Variants in CSNK1G3 observed in about 807,000 individuals in gnomAD.
CSNK1G3 encodes the protein casein kinase 1 gamma 3.
Under a neutral mutation model 64.3 loss-of-function variants are expected in CSNK1G3, and 23 were observed. The ratio of observed to expected loss-of-function variants is 0.36; its 90% CI spans 0.26 to 0.51. The LOEUF is 0.51. Ranked by LOEUF, CSNK1G3 falls within the 20% of genes least tolerant of loss-of-function variation. CSNK1G3 has a pLI of 0.96. For synonymous variants in CSNK1G3, 158 were observed against 162.2 expected, an observed-to-expected ratio of 0.97 and a Z score of 0.20; for missense variants, 357 against 510.5, an observed-to-expected ratio of 0.70 and a Z score of 2.90.
At chr5:123,606,955 G>A (rs948072891) in intron 12 of CSNK1G3, among the ~76,000 whole-genome samples, 1 of 152,156 alleles carries the variant, frequency 6.6e-6, no homozygotes, top group Non-Finnish European at 1.5e-5. Context: ...AATGGTTAGA[G>A]CTTGTAAAGA....
chr5:123,550,161 G>A (rs969250224), intron 2 of CSNK1G3, among the ~76,000 whole-genome samples: 6 of 152,118 alleles, frequency 3.9e-5, no homozygotes, highest in African/African-American at 1.2e-4. Context: ...ACTGTAAGAC[G>A]GTAACGAAAA....
At chr5:123,561,663 T>C (rs1263818097) in intron 4 of CSNK1G3, among the ~76,000 whole-genome samples, 1 of 152,178 alleles carries the variant, frequency 6.6e-6, no homozygotes, top group Non-Finnish European at 1.5e-5. Context: ...GTTCTTTATC[T>C]CCTGCTTCTA....
intron 1 of CSNK1G3, among the ~76,000 whole-genome samples, chr5:123,515,909 C>T (rs770554299): frequency 6.6e-5 from 10 of 152,138 alleles, no homozygotes; most frequent in Non-Finnish European, 1.5e-4. Flanking sequence ...GGTGTAACCT[C>T]ATTTTTGAGA....
At chr5:123,595,304 G>GT (rs1581362356) in intron 10 of CSNK1G3, among the ~76,000 whole-genome samples, 170 bp downstream of exon 11, 2 of 151,958 alleles carry the variant, frequency 1.3e-5, no homozygotes, top group East Asian at 3.9e-4. Context: ...AATTAACGTG[G>GT]TCTAGAAAGA....
chr5:123,513,660 T>G (rs1026120558), intron 1 of CSNK1G3, among the ~76,000 whole-genome samples: 2 of 152,308 alleles, frequency 1.3e-5, no homozygotes, highest in African/African-American at 2.4e-5. Context: ...GCCACAGATA[T>G]GAGAGATGGC....
intron 10 of CSNK1G3, among the ~76,000 whole-genome samples, chr5:123,596,693 G>A (rs1793506138): frequency 6.6e-6 from 1 of 152,092 alleles, no homozygotes; most frequent in East Asian, 1.9e-4. Flanking sequence ...TTATTTCTAA[G>A]AGTTTTCAGC....
At chr5:123,569,996 T>A (rs7711315) in intron 4 of CSNK1G3, among the ~76,000 whole-genome samples, 33,940 of 151,970 alleles carry the variant, frequency 0.22, 3,994 homozygotes, top group African/African-American at 0.28. Context: ...TCTATTATTA[T>A]GGTGAATTAT....
intron 4 of CSNK1G3, among the ~76,000 whole-genome samples, chr5:123,568,994 A>G (rs1195876328): frequency 6.6e-6 from 1 of 152,248 alleles, no homozygotes; most frequent in Non-Finnish European, 1.5e-5. Flanking sequence ...TTCCAGTATC[A>G]AACAGCAATT....
At chr5:123,575,797 A>G in exon 6 of CSNK1G3, 2 of 1,613,704 alleles carry the variant, frequency 1.2e-6, no homozygotes, top group Non-Finnish European at 1.7e-6. Context: ...AGAACTTCTT[A>G]ATAGGACGAC....
At chr5:123,514,205 C>T (rs376071527) in intron 1 of CSNK1G3, among the ~76,000 whole-genome samples, 14 of 152,266 alleles carry the variant, frequency 9.2e-5, no homozygotes, top group African/African-American at 3.1e-4. Context: ...TTATGAATGA[C>T]ATTTTTTTGG....
At chr5:123,537,191 G>GC (rs1780980385) in intron 1 of CSNK1G3, among the ~76,000 whole-genome samples, 1 of 152,068 alleles carries the variant, frequency 6.6e-6, no homozygotes, top group Non-Finnish European at 1.5e-5. Context: ...CAACCTAAGT[G>GC]CCCATCAAAG....
intron 1 of CSNK1G3, among the ~76,000 whole-genome samples, chr5:123,532,381 A>G (rs1342268217): frequency 6.6e-6 from 1 of 151,878 alleles, no homozygotes; most frequent in East Asian, 1.9e-4. Flanking sequence ...ATTTTTTATA[A>G]CAAGGTTGGC....
At chr5:123,577,015 A>C (rs999649343) in intron 6 of CSNK1G3, among the ~76,000 whole-genome samples, 1 of 152,070 alleles carries the variant, frequency 6.6e-6, no homozygotes, top group Non-Finnish European at 1.5e-5. Context: ...TATCTTATTT[A>C]ATGTAATGTA....
At position 123,521,273 on chromosome 5, in the gene CSNK1G3, G is replaced by A. The variant is rs573756614; in HGVS notation, c.-248+8703G>A. Among the ~76,000 whole-genome samples, 4 of 152,198 alleles carry A rather than the reference G, an allele frequency of 2.6e-5. No individual in the cohort carries two copies. In the South Asian group the frequency reaches 8.3e-4, roughly 32 times the overall value. On this transcript the variant is annotated intron_variant, in intron 1 of 12. Transcript: ENST00000345990. ...ATGTAAATCTTTAAATCTTAAAGATGTGGAATCTTGTGATGCCAGTTTTTA... is the reference window on the plus strand; with the variant it reads ...ATGTAAATCTTTAAATCTTAAAGATATGGAATCTTGTGATGCCAGTTTTTA...
intron 1 of CSNK1G3, among the ~76,000 whole-genome samples, chr5:123,524,498 A>C (rs952240046): frequency 6.6e-6 from 1 of 152,136 alleles, no homozygotes; most frequent in Admixed American, 6.5e-5. Context: ...CCTCTGTTTT[A>C]GTTTCCTTAA....
At chr5:123,614,980 C>T (rs1182108192) in exon 13 of CSNK1G3, 4 of 152,442 alleles carry the variant, frequency 2.6e-5, no homozygotes, top group Non-Finnish European at 5.9e-5. Context: ...CAGTCACTGC[C>T]CAGAGGTACT....
At chr5:123,614,541 G>A (rs983816253) in exon 13 of CSNK1G3, 1 of 608,070 alleles carries the variant, frequency 1.6e-6, no homozygotes, top group African/African-American at 2.0e-5. Flanking sequence ...TCATTTTGTG[G>A]TTGTCTTACA....
chr5:123,542,331 A>G (rs535357809), intron 1 of CSNK1G3, among the ~76,000 whole-genome samples: 1 of 152,168 alleles, frequency 6.6e-6, no homozygotes, highest in African/African-American at 2.4e-5. Flanking sequence ...ATGTTGTCAT[A>G]TATTTTACTT....
At chr5:123,603,269 AT>A (rs529178157) in intron 10 of CSNK1G3, among the ~76,000 whole-genome samples, 24 of 150,584 alleles carry the variant, frequency 1.6e-4, no homozygotes, top group African/African-American at 2.9e-4. Flanking sequence ...TGAGTTATAT[AT>A]TTTTTTTTTC....
Sources: gnomAD v4.1 joint callset for allele counts (sites outside exome capture counted in the v4.1 genomes callset) on GRCh38, gnomAD v4.1.1 for gene constraint, MANE v1.5 for transcripts, NCBI Gene and HGNC (gene_info 2026-07-23, HGNC 2026-07-21) for gene names.